SCNN1G: variants seen among roughly 807,000 people sequenced by gnomAD.
SCNN1G encodes epithelial sodium channel subunit gamma.
Under a neutral mutation model 64.6 loss-of-function variants are expected in SCNN1G, and 27 were observed. The observed-to-expected ratio is 0.42, with a 90% CI of 0.31 to 0.58. The LOEUF (loss-of-function observed/expected upper bound fraction) is 0.58. Among genes scored for constraint, SCNN1G ranks in the 20% least tolerant of loss-of-function variants. The probability of loss-of-function intolerance (pLI) is 0.18; values close to 1 mark genes in which losing one functional copy is unlikely to be tolerated. For missense variants in SCNN1G, 743 were observed against 823.4 expected, an observed-to-expected ratio of 0.90 and a Z score of 1.19; for synonymous variants, 330 against 314.2, an observed-to-expected ratio of 1.05 and a Z score of -0.53.
intron 1 of SCNN1G, among the ~76,000 whole-genome samples, chr16:23,183,398 C>T (rs1409183296): frequency 6.6e-6 from 1 of 152,194 alleles, no homozygotes; most frequent in African/African-American, 2.4e-5. Context: ...CTGCACAGGA[C>T]TCGCCCTTCG....
At chr16:23,205,012 C>A (rs553523965) in intron 6 of SCNN1G, among the ~76,000 whole-genome samples, 2 of 152,208 alleles carry the variant, frequency 1.3e-5, no homozygotes, top group South Asian at 4.2e-4. Context: ...GGGGTTTCGC[C>A]ATGTTAGACA....
At chr16:23,214,976 C>A in intron 12 of SCNN1G, 113 bp from the exon 13 acceptor site, 1 of 1,326,186 alleles carries the variant, frequency 7.5e-7, no homozygotes, top group East Asian at 2.4e-5. Context: ...TTCTTCCTCC[C>A]AGCCTGTGCA....
chr16:23,203,091 CA>C (rs1959918762), intron 6 of SCNN1G, among the ~76,000 whole-genome samples: 1 of 152,154 alleles, frequency 6.6e-6, no homozygotes, highest in Non-Finnish European at 1.5e-5. Flanking sequence ...TAAGTAGGAA[CA>C]GAAGCCAGAA....
At chr16:23,212,002 C>T (rs1291580266) in intron 7 of SCNN1G, 32 bp from the exon 8 acceptor site, 1 of 1,464,206 alleles carries the variant, frequency 6.8e-7, no homozygotes, top group Non-Finnish European at 9.6e-7. Context: ...TGAGCAAAGA[C>T]ATGAATGGCA....
Position 23,186,310 on chromosome 16 carries a change from G to A in SCNN1G, c.39G>A (p.Lys13=), listed in dbSNP as rs757426617. Reference sequence around the variant, plus strand: ...AGAAGATCAAAGCCAAAATCAAGAAGAATCTGCCCGTGACGGGCCCTCAGG... The same window carrying A: ...AGAAGATCAAAGCCAAAATCAAGAAAAATCTGCCCGTGACGGGCCCTCAGG... The part of the protein sequence containing the change: ...PGEKIKAKIK[K]NLPVTGPQAP... Residue 13 remains lysine, a synonymous_variant, in exon 2 of 13, where the codon AAG becomes AAA. Coordinates refer to ENST00000300061, the MANE Select transcript of SCNN1G (RefSeq NM_001039.4). 11 of 1,614,242 alleles carry A rather than the reference G, an allele frequency of 6.8e-6. No homozygotes were observed. Among genetic ancestry groups the A allele is most frequent in the Non-Finnish European group, 8.5e-6 (10 of 1,180,046 alleles).
intron 6 of SCNN1G, among the ~76,000 whole-genome samples, chr16:23,205,273 G>A (rs375231471): frequency 1.3e-5 from 2 of 152,008 alleles, no homozygotes; most frequent in African/African-American, 4.8e-5. Context: ...ACCATAATAC[G>A]GTCCGTTGAG....
chr16:23,186,939 C>A (rs1959618790), intron 2 of SCNN1G, among the ~76,000 whole-genome samples: 1 of 151,814 alleles, frequency 6.6e-6, no homozygotes, highest in African/African-American at 2.4e-5. Flanking sequence ...GCTGGGACTA[C>A]AGGGGTGTAC....
intron 6 of SCNN1G, among the ~76,000 whole-genome samples, chr16:23,198,248 A>C (rs1353016743): frequency 6.6e-6 from 1 of 152,178 alleles, no homozygotes; most frequent in Admixed American, 6.5e-5. Context: ...ACAGAAGCAC[A>C]AGTAAGCCGC....
Position 23,204,314 on chromosome 16 carries a change from TATATATATATATATATATATAGAGAG to T in SCNN1G, c.1078-5434_1078-5409del, listed in dbSNP as rs1196072788. On this transcript the variant is annotated intron_variant, in intron 6 of 12. Coordinates refer to ENST00000300061, the MANE Select transcript of SCNN1G (RefSeq NM_001039.4). ...ATATATATATATATATATATATATA[TATATATATATATATATATATAGAGAG>T]AGAGAGAGAGAGAGAGAGAGAGAGA... Among the ~76,000 whole-genome samples the T allele has an allele frequency of 1.5e-4, 12 of 81,738 alleles. No individual in the cohort carries two copies. In the East Asian group the frequency reaches 4.0e-3, roughly 27 times the overall value. The allele number at this position is 81,738 out of a possible 152,430, so 53.6% of individuals were successfully genotyped here. A position where few individuals can be genotyped will look rare whatever the true frequency, so the allele number is the denominator to read the frequency against.
chr16:23,198,864 G>A (rs1959840120), intron 6 of SCNN1G, among the ~76,000 whole-genome samples: 1 of 151,896 alleles, frequency 6.6e-6, no homozygotes, highest in Non-Finnish European at 1.5e-5. Flanking sequence ...AGACCAGCCT[G>A]GGCAACATAG....
chr16:23,208,604 T>C (rs963108297), intron 6 of SCNN1G, among the ~76,000 whole-genome samples: 2 of 145,220 alleles, frequency 1.4e-5, no homozygotes, highest in Non-Finnish European at 3.0e-5. Flanking sequence ...TCCCTTCCCT[T>C]CCCCTCCCCT....
chr16:23,215,495 T>A lies in SCNN1G; in HGVS notation c.*26T>A. The stretch of plus-strand genomic sequence containing the variant: ...GGCAGGGTTGAGAAGACAGATCTAG[T>A]CAGGACCACCAGCCATGGTCTAAGG... On this transcript the variant is annotated 3_prime_UTR_variant, in exon 13 of 13. Transcript: ENST00000300061. 3 of 1,602,468 alleles carry A rather than the reference T, an allele frequency of 1.9e-6. 1 individual carries two copies. The highest frequency in any genetic ancestry group is 2.5e-6 in the Non-Finnish European group (3 of 1,179,852).
chr16:23,204,322 TATATATATATATAGAGAGAGAG>T (rs1212799980), intron 6 of SCNN1G, among the ~76,000 whole-genome samples: 2 of 75,364 alleles, frequency 2.7e-5, no homozygotes, highest in African/African-American at 1.0e-4. Context: ...TATATATATA[TATATATATATATAGAGAGAGAG>T]AGAGAGAGAG....
chr16:23,212,117 C>A lies in SCNN1G; in HGVS notation c.1260C>A (p.Ala420=), dbSNP rs765070629. Residue 420 remains alanine, a synonymous_variant, in exon 8 of 13, where the codon GCC becomes GCA. Transcript: ENST00000300061. Reference sequence around the variant, plus strand: ...ACAGCCAGCCTCTACCTCCTGCAGCCAACTACTGCAACTACCAGCAGCACC... The same window carrying A: ...ACAGCCAGCCTCTACCTCCTGCAGCAAACTACTGCAACTACCAGCAGCACC... The part of the protein sequence containing the change: ...AQYSQPLPPA[A]NYCNYQQHPN... 6.2e-6 allele frequency: 10 copies of A among 1,612,850 alleles called. No individual in the cohort carries two copies. The highest frequency in any genetic ancestry group is 7.6e-6 in the Non-Finnish European group (9 of 1,178,894).
At chr16:23,202,241 CAGAT>C (rs1202956741) in intron 6 of SCNN1G, among the ~76,000 whole-genome samples, 1 of 99,356 alleles carries the variant, frequency 1.0e-5, no homozygotes, top group Admixed American at 1.6e-4. Context: ...TGATAGATGA[CAGAT>C]GGATGGGTGG....
chr16:23,208,861 C>T (rs1408447305), intron 6 of SCNN1G, among the ~76,000 whole-genome samples: 4 of 151,846 alleles, frequency 2.6e-5, no homozygotes, highest in African/African-American at 9.7e-5. Context: ...CTCAGTCTCC[C>T]AAAATGCTGG....
chr16:23,212,147 C>A lies in SCNN1G; in HGVS notation c.1290C>A (p.Asn430Lys). The A allele has an allele frequency of 6.2e-7, 1 of 1,607,150 alleles. No homozygotes were observed. Among genetic ancestry groups the A allele is most frequent in the Non-Finnish European group, 8.5e-7 (1 of 1,173,794 alleles). ...ANYCNYQQHP[N>K]WMYCYYQLHR... ...ACTGCAACTACCAGCAGCACCCCAA[C>A]TGGAGTGAGTGAGACCCAGCTCCAG... The change falls in exon 8 of 13, where the codon AAC becomes AAA. Residue 430 changes from asparagine (N) to lysine (K), a missense_variant. Coordinates refer to ENST00000300061, the MANE Select transcript of SCNN1G (RefSeq NM_001039.4).
chr16:23,199,821 G>A (rs993405418), intron 6 of SCNN1G, among the ~76,000 whole-genome samples: 11 of 151,300 alleles, frequency 7.3e-5, no homozygotes, highest in South Asian at 2.1e-4. Context: ...ACAGTCACCC[G>A]CCACCACGCC....
chr16:23,198,287 C>T (rs1024459451), intron 6 of SCNN1G, among the ~76,000 whole-genome samples: 3 of 152,178 alleles, frequency 2.0e-5, no homozygotes, highest in Non-Finnish European at 2.9e-5. Flanking sequence ...CAGCCTTGCC[C>T]AATGGGAGCT....
Sources: allele counts gnomAD v4.1 joint callset (sites outside exome capture counted in the v4.1 genomes callset), GRCh38; gene constraint gnomAD v4.1.1; transcripts MANE v1.5; gene names NCBI Gene and HGNC (gene_info 2026-07-23, HGNC 2026-07-21).